The following LENG8 variants were observed in gnomAD, a reference collection of about 807,000 sequenced individuals.
The protein encoded by LENG8 is leukocyte receptor cluster member 8.
LENG8 carries 28 observed loss-of-function variants against 102.1 expected under a neutral mutation model. The observed-to-expected ratio is 0.27, with a 90% CI of 0.20 to 0.38. The LOEUF (loss-of-function observed/expected upper bound fraction) is 0.38, where lower values mean the gene tolerates loss of function less well. Ranked by LOEUF, LENG8 falls within the 10% of genes least tolerant of loss-of-function variation. LENG8 has a pLI of 1.00. For missense variants in LENG8, 1,022 were observed against 1,113.9 expected (o/e 0.92, Z 1.17); for synonymous variants, 531 against 456.7 (o/e 1.16, Z -2.07).
intron 5 of LENG8, 59 bp downstream of exon 5, chr19:54,453,715 A>G (rs1322184528): frequency 8.1e-7 from 1 of 1,235,514 alleles, no homozygotes; most frequent in Non-Finnish European, 1.2e-6. Context: ...AGATTTTTGA[A>G]TGAGCTGTCA....
intron 15 of LENG8, 91 bp from the exon 16 acceptor site, chr19:54,460,675 G>A: frequency 2.1e-6 from 3 of 1,452,962 alleles, no homozygotes; most frequent in Non-Finnish European, 2.7e-6. Flanking sequence ...AAATCCTGTG[G>A]GCACCCGAAT....
chr19:54,457,284 A>G (rs1296818730), intron 11 of LENG8, among the ~76,000 whole-genome samples: 2 of 152,196 alleles, frequency 1.3e-5, no homozygotes, highest in African/African-American at 2.4e-5. Flanking sequence ...GTGAACAGCC[A>G]TGTGCTTATA....
At chr19:54,460,634 G>A (rs1205586853) in intron 15 of LENG8, 132 bp from the exon 16 acceptor site, 4 of 1,433,004 alleles carry the variant, frequency 2.8e-6, no homozygotes, top group Admixed American at 3.0e-5. Flanking sequence ...GCTGGGAGGC[G>A]GGTGGGGAGC....
chr19:54,455,530 G>T lies in LENG8; in HGVS notation c.988G>T (p.Ala330Ser). The T allele has an allele frequency of 6.2e-7, 1 of 1,613,372 alleles. No individual in the cohort carries two copies. The highest frequency in any genetic ancestry group is 8.5e-7 in the Non-Finnish European group (1 of 1,179,902). Residue 330 changes from alanine to serine, a missense_variant, in exon 8 of 16, where the codon GCC becomes TCC. Around this residue, in one of 7 missense-constraint regions of LENG8, gnomAD observed 326 missense variants for 324.5 expected, o/e 1.00. Transcript: ENST00000326764. ...VLQARLQDGSAYTIDWSREPL... is the reference protein window; with the variant it reads ...VLQARLQDGSSYTIDWSREPL... ...GCAGGCGCGGCTGCAGGACGGCTCG[G>T]CCTATACCATTGACTGGAGCCGGGA...
chr19:54,452,775 G>A (rs767862651), intron 4 of LENG8, 23 bp downstream of exon 4: 15 of 1,546,282 alleles, frequency 9.7e-6, no homozygotes, highest in Middle Eastern at 1.7e-4. Flanking sequence ...CCAGTGGGGC[G>A]GGGCAGGGCG....
In LENG8 at chr19:54,453,563, T is replaced by C. The variant is rs762006937; in HGVS notation, c.333T>C (p.Tyr111=). The C allele has an allele frequency of 3.7e-6, 6 of 1,613,822 alleles. No homozygotes were observed. The highest frequency in any genetic ancestry group is 5.1e-6 in the Non-Finnish European group (6 of 1,179,918). The stretch of plus-strand genomic sequence containing the variant: ...CTTTGCAGAGCATGTACCAGAGCTA[T>C]GGCTCCCCTTCCCAGTATGGGATGG... ...YYYPMSMYQS[Y]GSPSQYGMAG... is the part of the protein sequence containing the mutation. The change falls in exon 5 of 16, where the codon TAT becomes TAC. Residue 111 remains tyrosine, a synonymous_variant. Coordinates refer to ENST00000326764, the MANE Select transcript of LENG8 (RefSeq NM_052925.4).
In LENG8 at chr19:54,461,977, A is replaced by G; in HGVS notation, c.*1049A>G. 1 of 1,209,684 alleles carries G rather than the reference A, an allele frequency of 8.3e-7. No individual in the cohort carries two copies. The highest frequency in any genetic ancestry group is 1.2e-6 in the Non-Finnish European group (1 of 833,656). The allele number at this position is 1,209,684 out of a possible 1,614,324, so 74.9% of individuals were successfully genotyped here. A position where few individuals can be genotyped will look rare whatever the true frequency, so the allele number is the denominator to read the frequency against. On this transcript the variant is annotated 3_prime_UTR_variant, in exon 16 of 16. Transcript: ENST00000326764. ...CCTTGGAGCACTGAGCACCATTTGGAAGCTTGAGAGAAACCAAAATTAAAG... is the reference window on the plus strand; with the variant it reads ...CCTTGGAGCACTGAGCACCATTTGGGAGCTTGAGAGAAACCAAAATTAAAG...
rs76097189 is a variant in LENG8, at chr19:54,456,909, G to A, written c.1719G>A (p.Val573=). Residue 573 remains valine, a synonymous_variant, in exon 11 of 16, where the codon GTG becomes GTA. Transcript: ENST00000326764. ...RLTCAPDPST[V]RPVAVLKKSL... is the part of the protein sequence containing the mutation. ...CCTGTGCCCCCGACCCGTCCACCGT[G>A]CGCCCTGTGGCAGTAAGTGCCCAGC... 6.2e-7 allele frequency: 1 copy of A among 1,606,262 alleles called. No homozygotes were observed. The highest frequency in any genetic ancestry group is 8.5e-7 in the Non-Finnish European group (1 of 1,178,996).
chr19:54,460,692 GCCTCCCCGCTCGTGGGGC>G (rs2084492090), intron 15 of LENG8, 56 bp from the exon 16 acceptor site: 1 of 1,448,616 alleles, frequency 6.9e-7, no homozygotes, highest in East Asian at 2.5e-5. Context: ...GAATGGGGGG[GCCTCCCCGCTCGTGGGGC>G]CCTCCCCTGC....
intron 5 of LENG8, 76 bp downstream of exon 5, chr19:54,453,732 A>T (rs2084078049): frequency 3.8e-6 from 4 of 1,040,620 alleles, no homozygotes; most frequent in Non-Finnish European, 5.8e-6. Context: ...GTCAATGAGG[A>T]ATGGCTTGTA....
chr19:54,455,538 C>T lies in LENG8; in HGVS notation c.996C>T (p.Thr332=), dbSNP rs150470357. Residue 332 remains threonine (T), a synonymous_variant, in exon 8 of 16, where the codon ACC becomes ACT. Transcript: ENST00000326764. ...QARLQDGSAY[T]IDWSREPLPG... is the part of the protein sequence containing the mutation. Reference sequence around the variant, plus strand: ...GGCTGCAGGACGGCTCGGCCTATACCATTGACTGGAGCCGGGAGCCCTTGC... The same window carrying T: ...GGCTGCAGGACGGCTCGGCCTATACTATTGACTGGAGCCGGGAGCCCTTGC... 1.7e-5 allele frequency: 28 copies of T among 1,612,858 alleles called. No homozygotes were observed. The highest frequency in any genetic ancestry group is 1.5e-4 in the Admixed American group (9 of 59,956).
At chr19:54,450,639 T>TTTTTG (rs1569286933) in intron 1 of LENG8, among the ~76,000 whole-genome samples, 1 of 124,478 alleles carries the variant, frequency 8.0e-6, no homozygotes, top group African/African-American at 2.9e-5. Context: ...TTTTTTTTTT[T>TTTTTG]GAGACAGAGT....
Position 54,452,730 on chromosome 19 carries a change from C to G in LENG8, c.293C>G (p.Pro98Arg), listed in dbSNP as rs770788442. ...QWYQQYNYAYPYSYYYPMSMY... is the reference protein window; with the variant it reads ...QWYQQYNYAYRYSYYYPMSMY... ...TACCAGCAGTACAACTATGCCTACCCCTACAGCTACTACTATCCCATGGTG... is the reference window on the plus strand; with the variant it reads ...TACCAGCAGTACAACTATGCCTACCGCTACAGCTACTACTATCCCATGGTG... Residue 98 changes from proline (P) to arginine (R), a missense_variant, in exon 4 of 16, where the codon CCC becomes CGC. Around this residue, in one of 7 missense-constraint regions of LENG8, gnomAD observed 343 missense variants for 320.2 expected, o/e 1.07. Transcript: ENST00000326764. 6.2e-7 allele frequency: 1 copy of G among 1,613,408 alleles called. No homozygotes were observed. Among genetic ancestry groups the G allele is most frequent in the East Asian group, 2.2e-5 (1 of 44,884 alleles).
Position 54,455,400 on chromosome 19 carries a change from G to T in LENG8, c.858G>T (p.Pro286=), listed in dbSNP as rs889147. ...SSARGNLSGK[P]DDWPQDMKEY... ...CCCGGGGGAACCTGTCTGGGAAGCC[G>T]GATGACTGGCCCCAGGACATGAAAG... The change falls in exon 8 of 16, where the codon CCG becomes CCT. Residue 286 remains proline, a synonymous_variant. Coordinates refer to ENST00000326764, the MANE Select transcript of LENG8 (RefSeq NM_052925.4). 4.6e-5 allele frequency: 74 copies of T among 1,613,814 alleles called. No homozygotes were observed. Among genetic ancestry groups the T allele is most frequent in the Non-Finnish European group, 5.8e-5 (68 of 1,179,990 alleles).
chr19:54,459,091 T>C, intron 15 of LENG8: 1 of 1,383,980 alleles, frequency 7.2e-7, no homozygotes, highest in South Asian at 1.9e-5. Flanking sequence ...CCTGGCTTGC[T>C]GTGGGTGGGG....
intron 1 of LENG8, chr19:54,449,799 C>G (rs942817541): frequency 1.3e-5 from 2 of 152,338 alleles, no homozygotes; most frequent in Non-Finnish European, 2.9e-5. Flanking sequence ...TCTTGAGACC[C>G]GTCCGGGAGT....
In LENG8 at chr19:54,454,540, G is replaced by A. The variant is rs760188391; in HGVS notation, c.537G>A (p.Leu179=). ...PSNPPHGAHT[L]NSGPQPGTAP... ...ATCCCCCACATGGGGCTCACACGCT[G>A]AACAGTGGCCCTCAGCCTGGGACAG... The change falls in exon 6 of 16, where the codon CTG becomes CTA. Residue 179 remains leucine (L), a synonymous_variant. Coordinates refer to ENST00000326764, the MANE Select transcript of LENG8 (RefSeq NM_052925.4). The A allele has an allele frequency of 1.2e-6, 2 of 1,613,620 alleles. No homozygotes were observed. Among genetic ancestry groups the A allele is most frequent in the Non-Finnish European group, 8.5e-7 (1 of 1,179,872 alleles).
intron 8 of LENG8, 131 bp downstream of exon 8, chr19:54,455,698 T>C (rs186670587): frequency 3.0e-6 from 2 of 664,812 alleles, no homozygotes; most frequent in Non-Finnish European, 4.8e-6. Flanking sequence ...AGTTGGATCC[T>C]GGGGGGATGA....
intron 5 of LENG8, among the ~76,000 whole-genome samples, chr19:54,453,987 G>A (rs947515850): frequency 6.6e-6 from 1 of 152,182 alleles, no homozygotes; most frequent in African/African-American, 2.4e-5. Flanking sequence ...GTAGACCTGG[G>A]TTTGAATCCC....
Sources: gnomAD v4.1 joint callset for allele counts (sites outside exome capture counted in the v4.1 genomes callset) on GRCh38, gnomAD v4.1.1 for gene constraint, gnomAD v4.1.1 regional missense constraint, MANE v1.5 for transcripts, NCBI Gene and HGNC (gene_info 2026-07-23, HGNC 2026-07-21) for gene names.